The following RSPO2 variants were observed in gnomAD, a reference collection of about 807,000 sequenced individuals.
RSPO2 encodes R-spondin 2.
A neutral mutation model predicts 30.9 loss-of-function variants in RSPO2; 14 were observed. The ratio of observed to expected loss-of-function variants is 0.45; its 90% CI spans 0.30 to 0.71. The LOEUF (loss-of-function observed/expected upper bound fraction) is 0.71. Ranked by LOEUF, RSPO2 falls within the 30% of genes least tolerant of loss-of-function variation. RSPO2 has a pLI of 0.08. For synonymous variants in RSPO2, 107 were observed against 96.4 expected (o/e 1.11, Z -0.64); for missense variants, 264 against 301.9 (o/e 0.87, Z 0.93).
At chr8:108,060,572 AGTGAT>A (rs1812422280) in intron 2 of RSPO2, among the ~76,000 whole-genome samples, 1 of 151,854 alleles carries the variant, frequency 6.6e-6, no homozygotes, top group African/African-American at 2.4e-5. Flanking sequence ...TGTACCTGAA[AGTGAT>A]GGGGAGAATG....
At chr8:107,907,306 A>C (rs567614650) in intron 5 of RSPO2, among the ~76,000 whole-genome samples, 2 of 152,096 alleles carry the variant, frequency 1.3e-5, no homozygotes, top group Non-Finnish European at 2.9e-5. Context: ...CTAGAAATGC[A>C]CCTCTTCTTT....
intron 2 of RSPO2, among the ~76,000 whole-genome samples, chr8:108,022,444 G>A (rs374082901): frequency 1.3e-5 from 2 of 152,012 alleles, no homozygotes; most frequent in Non-Finnish European, 2.9e-5. Context: ...CCCCAAACAC[G>A]TATGAGAGTT....
chr8:108,057,172 C>A (rs1812282229), intron 2 of RSPO2, among the ~76,000 whole-genome samples: 1 of 136,092 alleles, frequency 7.3e-6, no homozygotes, highest in Non-Finnish European at 1.6e-5. Context: ...AACTGCCCAA[C>A]AATAAGGAAA....
At chr8:108,039,594 G>A (rs1034994539) in intron 2 of RSPO2, among the ~76,000 whole-genome samples, 1 of 152,040 alleles carries the variant, frequency 6.6e-6, no homozygotes, top group Non-Finnish European at 1.5e-5. Flanking sequence ...TTGAAAGGTG[G>A]TTTGTCTTAA....
intron 5 of RSPO2, among the ~76,000 whole-genome samples, chr8:107,903,419 C>A (rs1026332406): frequency 6.6e-6 from 1 of 152,008 alleles, no homozygotes; most frequent in Non-Finnish European, 1.5e-5. Flanking sequence ...CAAATCCATG[C>A]AAAATGATGG....
intron 2 of RSPO2, among the ~76,000 whole-genome samples, chr8:108,018,535 C>A (rs1810964321): frequency 6.6e-6 from 1 of 152,164 alleles, no homozygotes; most frequent in East Asian, 1.9e-4. Context: ...GCTATTCCAG[C>A]ATTGGCTAAA....
intron 2 of RSPO2, among the ~76,000 whole-genome samples, chr8:108,038,646 C>T (rs1044872438): frequency 9.9e-5 from 15 of 152,118 alleles, no homozygotes; most frequent in African/African-American, 3.1e-4. Context: ...ACCAGCACCC[C>T]AACCTTCAGC....
At chr8:108,022,991 G>A (rs1811103221) in intron 2 of RSPO2, among the ~76,000 whole-genome samples, 1 of 149,666 alleles carries the variant, frequency 6.7e-6, no homozygotes, top group African/African-American at 2.5e-5. Context: ...GGAAATAAAG[G>A]AGACCCAAGA....
chr8:107,923,510 G>A (rs1422225987), intron 5 of RSPO2, among the ~76,000 whole-genome samples: 1 of 152,086 alleles, frequency 6.6e-6, no homozygotes, highest in Non-Finnish European at 1.5e-5. Flanking sequence ...GCAGTGTAAC[G>A]ATTCCTCAAA....
chr8:107,982,990 C>A, intron 3 of RSPO2: 1 of 590,576 alleles, frequency 1.7e-6, no homozygotes, highest in Non-Finnish European at 2.8e-6. Context: ...TCAGCGCCTA[C>A]GACTGGCTCC....
intron 2 of RSPO2, among the ~76,000 whole-genome samples, chr8:108,014,118 A>G (rs1420755933): frequency 6.6e-6 from 1 of 152,246 alleles, no homozygotes; most frequent in African/African-American, 2.4e-5. Flanking sequence ...CATTAGAGAA[A>G]TGCAAATCAA....
intron 3 of RSPO2, among the ~76,000 whole-genome samples, chr8:107,971,363 C>G (rs775011040): frequency 1.3e-5 from 2 of 152,222 alleles, no homozygotes; most frequent in Non-Finnish European, 2.9e-5. Flanking sequence ...AATCATATAG[C>G]CAACTTTCTC....
At chr8:108,015,725 C>T (rs1482877072) in intron 2 of RSPO2, among the ~76,000 whole-genome samples, 2 of 152,056 alleles carry the variant, frequency 1.3e-5, no homozygotes, top group Non-Finnish European at 2.9e-5. Flanking sequence ...GCCCCACCAG[C>T]CCCACTCCTT....
chr8:108,082,347 T>A (rs1296050717), intron 2 of RSPO2, among the ~76,000 whole-genome samples, 198 bp downstream of exon 2: 1 of 152,028 alleles, frequency 6.6e-6, no homozygotes, highest in Non-Finnish European at 1.5e-5. Flanking sequence ...TCGCTCCGGC[T>A]CCCCGCGCCT....
chr8:107,911,931 C>T (rs1811839668), intron 5 of RSPO2, among the ~76,000 whole-genome samples: 1 of 152,038 alleles, frequency 6.6e-6, no homozygotes, highest in African/African-American at 2.4e-5. Context: ...TGCTCAATCC[C>T]ACACAATATC....
intron 5 of RSPO2, among the ~76,000 whole-genome samples, chr8:107,931,683 G>A (rs1908437): frequency 1.3e-5 from 2 of 152,098 alleles, no homozygotes; most frequent in Admixed American, 1.3e-4. Context: ...TAAGAGCAAG[G>A]AAAATCCTAG....
chr8:108,060,197 T>G (rs7819391), intron 2 of RSPO2, among the ~76,000 whole-genome samples: 45,008 of 151,276 alleles, frequency 0.3, 7,638 homozygotes, highest in African/African-American at 0.45. Context: ...TGACTTTGAC[T>G]AGTTGAGAGA....
At chr8:107,960,433 A>T (rs1250025116) in intron 4 of RSPO2, among the ~76,000 whole-genome samples, 52 of 152,320 alleles carry the variant, frequency 3.4e-4, no homozygotes, top group Non-Finnish European at 4.4e-5. Flanking sequence ...GATTAAAAAA[A>T]AACCTTGTTA....
chr8:107,958,157 G>A lies in RSPO2; in HGVS notation c.539C>T (p.Pro180Leu). ...ETRTRQIVKKPVKDTILCPTI... is the reference protein window; with the variant it reads ...ETRTRQIVKKLVKDTILCPTI... ...TGGACACAGTATTGTGTCTTTCACT[G>A]GCTTTTTAACAATTTGCCGTGTTCT... Residue 180 changes from proline to leucine, a missense_variant, in exon 5 of 6, where the codon CCA (proline) becomes CTA (leucine). By Grantham distance (98) the Pro-to-Leu change is moderately conservative (BLOSUM62 -3). Coordinates refer to ENST00000276659, the MANE Select transcript of RSPO2 (RefSeq NM_178565.5). The A allele has an allele frequency of 6.2e-7, 1 of 1,613,648 alleles. No individual in the cohort carries two copies. The highest frequency in any genetic ancestry group is 8.5e-7 in the Non-Finnish European group (1 of 1,179,730).
Sources: gnomAD v4.1 joint callset for allele counts (sites outside exome capture counted in the v4.1 genomes callset) on GRCh38, gnomAD v4.1.1 for gene constraint, MANE v1.5 for transcripts, NCBI Gene and HGNC (gene_info 2026-07-23, HGNC 2026-07-21) for gene names.